FAM222B: variants seen among roughly 807,000 people sequenced by gnomAD.
FAM222B encodes protein FAM222B.
FAM222B carries 12 observed loss-of-function variants against 38.0 expected under a neutral mutation model. That is an observed-to-expected ratio of 0.32 (90% CI 0.20 to 0.51). FAM222B has a LOEUF of 0.51. Ranked by LOEUF, FAM222B falls within the 20% of genes least tolerant of loss-of-function variation. FAM222B has a pLI of 0.97. For synonymous variants in FAM222B, 329 were observed against 317.2 expected, an observed-to-expected ratio of 1.04 and a Z score of -0.40; for missense variants, 716 against 754.2, an observed-to-expected ratio of 0.95 and a Z score of 0.59.
At position 28,766,592 on chromosome 17, in the gene FAM222B, G is replaced by T. The variant is rs1267314683; in HGVS notation, c.76C>A (p.Gln26Lys). ...TAGGATCCAGATTACTTACATTTCT[G>T]AAGTCCAGTGTTCATCTGCGTGTGA... ...LSHTQMNTGL[Q>K]KWDTTQKMRT... The change falls in exon 2 of 3, where the codon CAG becomes AAG. Residue 26 changes from glutamine (Q) to lysine (K), a missense_variant. Physicochemically the swap from Gln to Lys is moderately conservative, Grantham distance 53. Coordinates refer to ENST00000581407, the MANE Select transcript of FAM222B (RefSeq NM_001077498.3). The T allele has an allele frequency of 6.3e-7, 1 of 1,597,826 alleles. No individual in the cohort carries two copies.
At chr17:28,798,483 C>A (rs2151892746) in intron 1 of FAM222B, among the ~76,000 whole-genome samples, 1 of 152,292 alleles carries the variant, frequency 6.6e-6, no homozygotes, top group East Asian at 1.9e-4. Context: ...GCAATCCTCA[C>A]TAAGAAACTA....
intron 1 of FAM222B, among the ~76,000 whole-genome samples, chr17:28,832,600 T>G (rs1376887129): frequency 6.6e-6 from 1 of 152,188 alleles, no homozygotes; most frequent in African/African-American, 2.4e-5. Flanking sequence ...GGTTAACATA[T>G]TTCCATTACA....
intron 1 of FAM222B, among the ~76,000 whole-genome samples, chr17:28,832,131 C>T (rs550431225): frequency 5.4e-4 from 82 of 151,932 alleles, no homozygotes; most frequent in Non-Finnish European, 1.1e-3. Flanking sequence ...CGGAGCTTGC[C>T]GTGAGCCGAG....
At chr17:28,789,468 C>G (rs1461561225) in intron 1 of FAM222B, among the ~76,000 whole-genome samples, 1 of 152,210 alleles carries the variant, frequency 6.6e-6, no homozygotes, top group African/African-American at 2.4e-5. Context: ...CCTGGGGTTA[C>G]AGGCGTGAGC....
chr17:28,835,226 G>A (rs142330146), intron 1 of FAM222B, among the ~76,000 whole-genome samples: 118 of 151,950 alleles, frequency 7.8e-4, no homozygotes, highest in African/African-American at 2.7e-3. Context: ...TAGTAGAGAC[G>A]GGGTCTCACC....
At chr17:28,840,792 T>C (rs2039010815) in intron 1 of FAM222B, among the ~76,000 whole-genome samples, 2 of 150,472 alleles carry the variant, frequency 1.3e-5, no homozygotes, top group South Asian at 2.1e-4. Context: ...ACCCCGAGTG[T>C]ACTAAAAAAA....
rs374755194 is a variant in FAM222B, at chr17:28,758,770, C to T, written c.1189G>A (p.Glu397Lys). 1.5e-5 allele frequency: 23 copies of T among 1,571,082 alleles called. No individual in the cohort carries two copies. Among genetic ancestry groups the T allele is most frequent in the African/African-American group, 5.4e-5 (4 of 73,908 alleles). The change falls in exon 3 of 3, where the codon GAG becomes AAG. Residue 397 changes from glutamate (E) to lysine (K), a missense_variant. By Grantham distance (56) the Glu-to-Lys change is moderately conservative. Coordinates refer to ENST00000581407, the MANE Select transcript of FAM222B (RefSeq NM_001077498.3). Reference protein sequence around the residue: ...GLTGKHAAGRELAGPGFVGKA... With the variant: ...GLTGKHAAGRKLAGPGFVGKA... ...CCCACAAAGCCAGGCCCTGCCAACT[C>T]GCGTCCTGCCGCATGCTTGCCTGTC...
intron 1 of FAM222B, among the ~76,000 whole-genome samples, chr17:28,853,653 C>T (rs1170353481): frequency 2.0e-5 from 3 of 152,106 alleles, no homozygotes; most frequent in African/African-American, 7.2e-5. Flanking sequence ...CCTGAAATCC[C>T]GTGATAGAGA....
chr17:28,763,465 T>C (rs2035181799), intron 2 of FAM222B, among the ~76,000 whole-genome samples: 1 of 152,280 alleles, frequency 6.6e-6, no homozygotes, highest in Non-Finnish European at 1.5e-5. Flanking sequence ...AAAGCACTGC[T>C]GTCTATTCCA....
chr17:28,766,094 G>A (rs2035315780), intron 2 of FAM222B, among the ~76,000 whole-genome samples: 1 of 151,936 alleles, frequency 6.6e-6, no homozygotes, highest in Non-Finnish European at 1.5e-5. Context: ...TTATAGTTTT[G>A]TTGTTCAACA....
At chr17:28,801,160 G>GAA (rs1223540473) in intron 1 of FAM222B, among the ~76,000 whole-genome samples, 1 of 80,364 alleles carries the variant, frequency 1.2e-5, no homozygotes, top group Non-Finnish European at 2.7e-5. Context: ...CCGTCTCAAA[G>GAA]AAAAAAAAAA....
chr17:28,817,750 C>T (rs1306598631), intron 1 of FAM222B, among the ~76,000 whole-genome samples: 1 of 152,020 alleles, frequency 6.6e-6, no homozygotes, highest in Non-Finnish European at 1.5e-5. Flanking sequence ...CAAACTACAA[C>T]AGAGAATGCA....
chr17:28,773,479 C>CAAAAAAAAAAAAAAAAAAAAA (rs66716142), intron 1 of FAM222B, among the ~76,000 whole-genome samples: 1 of 60,760 alleles, frequency 1.6e-5, no homozygotes, highest in Non-Finnish European at 2.8e-5. Context: ...AACTCTGTCT[C>CAAAAAAAAAAAAAAAAAAAAA]AAAAAAAAAA....
chr17:28,820,956 A>AT (rs2038195130), intron 1 of FAM222B, among the ~76,000 whole-genome samples: 1 of 145,018 alleles, frequency 6.9e-6, no homozygotes, highest in Admixed American at 7.0e-5. Flanking sequence ...AACTCTTTTT[A>AT]TTTTATTTTT....
rs140499539 is a variant in FAM222B at position 28,780,832 on chromosome 17, A to C, written c.-40-14125T>G. 2.0e-5 allele frequency among the ~76,000 whole-genome samples: 3 copies of C among 151,986 alleles called. No individual in the cohort carries two copies. The East Asian group carries it at 5.8e-4, about 30-fold the overall frequency. Reference sequence around the variant, plus strand: ...GGGAGGCGGAGGTTGCAGTGAGCCGAGATCGCACCATTGGACTCCAACCTG... The same window carrying C: ...GGGAGGCGGAGGTTGCAGTGAGCCGCGATCGCACCATTGGACTCCAACCTG... On this transcript the variant is annotated intron_variant, in intron 1 of 2. Coordinates refer to ENST00000581407, the MANE Select transcript of FAM222B (RefSeq NM_001077498.3).
At chr17:28,824,954 G>A (rs1335699114) in intron 1 of FAM222B, among the ~76,000 whole-genome samples, 1 of 152,016 alleles carries the variant, frequency 6.6e-6, no homozygotes, top group Non-Finnish European at 1.5e-5. Flanking sequence ...TAGTAGAGAT[G>A]GGGTTTCTCC....
chr17:28,770,135 G>A (rs1041750917), intron 1 of FAM222B, among the ~76,000 whole-genome samples: 1 of 151,726 alleles, frequency 6.6e-6, no homozygotes, highest in African/African-American at 2.4e-5. Flanking sequence ...CCTGTTTTAC[G>A]TCCATCTCTC....
At chr17:28,851,518 A>AAACG (rs2039180753) in intron 1 of FAM222B, among the ~76,000 whole-genome samples, 1 of 150,924 alleles carries the variant, frequency 6.6e-6, no homozygotes, top group African/African-American at 2.4e-5. Context: ...TGGGAGTCTC[A>AAACG]AACGAACAAA....
At chr17:28,800,139 C>T (rs1567854603) in intron 1 of FAM222B, among the ~76,000 whole-genome samples, 2 of 152,038 alleles carry the variant, frequency 1.3e-5, no homozygotes. Flanking sequence ...TCAAGCGATT[C>T]TCCTGCCTCA....
Sources: allele counts gnomAD v4.1 joint callset (sites outside exome capture counted in the v4.1 genomes callset), GRCh38; gene constraint gnomAD v4.1.1; transcripts MANE v1.5; gene names NCBI Gene and HGNC (gene_info 2026-07-23, HGNC 2026-07-21).